VTA1: variants seen among roughly 807,000 people sequenced by gnomAD.
VTA1 encodes the protein vacuolar protein sorting-associated protein VTA1 homolog.
Under a neutral mutation model 36.9 loss-of-function variants are expected in VTA1, and 24 were observed. The ratio of observed to expected loss-of-function variants is 0.65; its 90% CI spans 0.47 to 0.91. The LOEUF (loss-of-function observed/expected upper bound fraction) is 0.91. VTA1 is among the 40% of genes least tolerant of loss of function. The probability of loss-of-function intolerance (pLI) is 0.00; values close to 1 mark genes in which losing one functional copy is unlikely to be tolerated. For missense variants in VTA1, 393 were observed against 377.2 expected, an observed-to-expected ratio of 1.04 and a Z score of -0.35; for synonymous variants, 142 against 130.2, an observed-to-expected ratio of 1.09 and a Z score of -0.62.
At chr6:142,177,495 A>C (rs948953294) in intron 4 of VTA1, among the ~76,000 whole-genome samples, 1 of 152,196 alleles carries the variant, frequency 6.6e-6, no homozygotes, top group Non-Finnish European at 1.5e-5. Flanking sequence ...CTTTAAAAAA[A>C]TTGGCTCTTG....
chr6:142,192,956 G>A (rs929122413), intron 5 of VTA1, among the ~76,000 whole-genome samples: 3 of 152,054 alleles, frequency 2.0e-5, no homozygotes, highest in South Asian at 2.1e-4. Context: ...AAATCGAGAA[G>A]TATAGTATTT....
chr6:142,185,685 A>G (rs767844779), intron 4 of VTA1, among the ~76,000 whole-genome samples: 11 of 152,346 alleles, frequency 7.2e-5, no homozygotes, highest in Middle Eastern at 3.4e-3. Context: ...AAGGTGAACC[A>G]CAGGATATTG....
In VTA1 at chr6:142,147,275, G is replaced by A. The variant is rs1367992059; in HGVS notation, c.-13G>A. The stretch of plus-strand genomic sequence containing the variant: ...GTGGAGCGCGAGTAGGAAGTGGTGA[G>A]TTCGGAGTAGAGATGGCCGCGCTTG... On this transcript the variant is annotated 5_prime_UTR_variant, in exon 1 of 8. Coordinates refer to ENST00000367630, the MANE Select transcript of VTA1 (RefSeq NM_016485.5). 1.2e-6 allele frequency: 2 copies of A among 1,613,912 alleles called. No homozygotes were observed. The highest frequency in any genetic ancestry group is 1.3e-5 in the African/African-American group (1 of 74,958).
At chr6:142,188,219 TTA>T (rs1161151621) in intron 4 of VTA1, among the ~76,000 whole-genome samples, 1 of 139,678 alleles carries the variant, frequency 7.2e-6, no homozygotes, top group Middle Eastern at 3.8e-3. Flanking sequence ...CTCTATTTCT[TTA>T]TTTCTTTTTT....
chr6:142,189,054 A>G (rs924600101), intron 4 of VTA1, among the ~76,000 whole-genome samples: 24 of 152,126 alleles, frequency 1.6e-4, no homozygotes, highest in African/African-American at 5.8e-4. Flanking sequence ...CTTTAGTGAA[A>G]ATAATTCAAT....
rs184438425 is a variant in VTA1 at position 142,152,263 on chromosome 6, G to C, written c.112+4864G>C. Among the ~76,000 whole-genome samples the C allele has an allele frequency of 1.2e-4, 18 of 152,244 alleles. No homozygotes were observed. In the East Asian group the frequency reaches 2.9e-3, roughly 24 times the overall value. On this transcript the variant is annotated intron_variant, in intron 1 of 7. Transcript: ENST00000367630. ...TACATCACAGGAATTGAGAAAATGA[G>C]TAATGATGGGGTAACAAATCCTTTT...
At chr6:142,163,532 A>G (rs996465077) in intron 1 of VTA1, among the ~76,000 whole-genome samples, 4 of 149,572 alleles carry the variant, frequency 2.7e-5, no homozygotes, top group Non-Finnish European at 4.5e-5. Flanking sequence ...TATGTGAGAA[A>G]TTTTTTTTTT....
At chr6:142,202,088 G>T (rs1437033182) in intron 6 of VTA1, among the ~76,000 whole-genome samples, 1 of 151,856 alleles carries the variant, frequency 6.6e-6, no homozygotes, top group African/African-American at 2.4e-5. Context: ...ATAAGCCTAG[G>T]TACACCTGTT....
At chr6:142,213,739 T>C (rs1775949103) in intron 7 of VTA1, among the ~76,000 whole-genome samples, 1 of 152,206 alleles carries the variant, frequency 6.6e-6, no homozygotes, top group African/African-American at 2.4e-5. Context: ...AAGCCACACC[T>C]TGGTCCCTTT....
Position 142,224,368 on chromosome 6 carries a change from C to A in VTA1, c.*5725C>A, listed in dbSNP as rs1232192470. 1 of 152,284 alleles carries A rather than the reference C, an allele frequency of 6.6e-6. No individual in the cohort carries two copies. The highest frequency in any genetic ancestry group is 2.1e-4 in the South Asian group (1 of 4,816). The allele number at this position is 152,284 out of a possible 1,614,324, so 9.4% of individuals were successfully genotyped here. On this transcript the variant is annotated 3_prime_UTR_variant, in exon 8 of 8. Transcript: ENST00000367630. ...TCTGAGACGGGACAAGGACACTGGA[C>A]GGTCTATTGTGCCATGCTTATATAT... is the stretch of plus-strand genomic sequence containing the variant.
chr6:142,174,383 T>G (rs1239401347), intron 4 of VTA1, among the ~76,000 whole-genome samples: 1 of 152,134 alleles, frequency 6.6e-6, no homozygotes, highest in Non-Finnish European at 1.5e-5. Flanking sequence ...TGCCTTTTTT[T>G]GGGCAGTTTC....
chr6:142,213,589 C>T (rs1357478252), intron 7 of VTA1, among the ~76,000 whole-genome samples: 1 of 152,234 alleles, frequency 6.6e-6, no homozygotes, highest in Non-Finnish European at 1.5e-5. Context: ...ATGAGGGCTC[C>T]ACCAGTGCAG....
chr6:142,158,878 C>A (rs957049737), intron 1 of VTA1, among the ~76,000 whole-genome samples: 43 of 152,226 alleles, frequency 2.8e-4, no homozygotes, highest in Admixed American at 1.8e-3. Flanking sequence ...AAGGAAAGAT[C>A]TTTACTGTCT....
rs1776043279 is a variant in VTA1 at position 142,218,489 on chromosome 6, T to C, written c.779-9T>C. On this transcript the variant is annotated splice_polypyrimidine_tract_variant and intron_variant, in intron 7 of 7. Transcript: ENST00000367630. ...CTTATAAATATCCCAATTGTTCTTT[T>C]TCTTCTAGGGGATGTTCGTCTAACC... is the stretch of plus-strand genomic sequence containing the variant. 13 of 1,611,648 alleles carry C rather than the reference T, an allele frequency of 8.1e-6. No homozygotes were observed. Among genetic ancestry groups the C allele is most frequent in the Non-Finnish European group, 1.0e-5 (12 of 1,179,252 alleles).
At position 142,208,085 on chromosome 6, in the gene VTA1, CAAAAAAA is replaced by C. The variant is rs567010868; in HGVS notation, c.778+4037_778+4043del. Among the ~76,000 whole-genome samples the C allele has an allele frequency of 2.0e-4, 20 of 99,498 alleles. No individual in the cohort carries two copies. The East Asian group carries it at 3.7e-3, about 19-fold the overall frequency. The allele number at this position is 99,498 out of a possible 152,430, so 65.3% of individuals were successfully genotyped here. ...GCCTGGGTGACAGTGAGACTTCCAT[CAAAAAAA>C]AAAAAAAAAAAAAAAATCCCAAAAC... is the stretch of plus-strand genomic sequence containing the variant. On this transcript the variant is annotated intron_variant, in intron 7 of 7. Transcript: ENST00000367630.
rs1267719811 is a variant in VTA1 at position 142,181,162 on chromosome 6, C to T, written c.412-8264C>T. Among the ~76,000 whole-genome samples, 844 of 128,348 alleles carry T rather than the reference C, an allele frequency of 6.6e-3. 13 individuals carry two copies. Among genetic ancestry groups the T allele is most frequent in the African/African-American group, 0.023 (807 of 35,630 alleles). The allele number at this position is 128,348 out of a possible 152,430, so 84.2% of individuals were successfully genotyped here. On this transcript the variant is annotated intron_variant, in intron 4 of 7. Transcript: ENST00000367630. ...ACTTTTTTTTTTTTTGATACGGAGTCTCGCTCTGTTGCCCAGGGTGGAGTG... is the reference window on the plus strand; with the variant it reads ...ACTTTTTTTTTTTTTGATACGGAGTTTCGCTCTGTTGCCCAGGGTGGAGTG...
chr6:142,177,646 G>A (rs1214932521), intron 4 of VTA1, among the ~76,000 whole-genome samples: 2 of 152,054 alleles, frequency 1.3e-5, no homozygotes, highest in Admixed American at 1.3e-4. Context: ...TATGCTAAAT[G>A]TGCTTTTTCT....
intron 1 of VTA1, among the ~76,000 whole-genome samples, chr6:142,159,802 C>T (rs548474404): frequency 2.0e-4 from 31 of 152,020 alleles, no homozygotes; most frequent in African/African-American, 7.2e-4. Context: ...CATGAGCCAC[C>T]GTGCCCGGCC....
chr6:142,175,392 A>T (rs1249416319), intron 4 of VTA1, among the ~76,000 whole-genome samples: 1 of 151,036 alleles, frequency 6.6e-6, no homozygotes, highest in Non-Finnish European at 1.5e-5. Flanking sequence ...CTCATTTTTC[A>T]CCTTTGGAAA....
Sources: allele counts gnomAD v4.1 joint callset (sites outside exome capture counted in the v4.1 genomes callset), GRCh38; gene constraint gnomAD v4.1.1; transcripts MANE v1.5; gene names NCBI Gene and HGNC (gene_info 2026-07-23, HGNC 2026-07-21).